KLHL18: variants seen among roughly 807,000 people sequenced by gnomAD.
The protein encoded by KLHL18 is kelch like family member 18, also known as kelch-like protein 18.
A neutral mutation model predicts 58.5 loss-of-function variants in KLHL18; 38 were observed. That is an observed-to-expected ratio of 0.65 (90% CI 0.50 to 0.85). KLHL18 has a LOEUF of 0.85. KLHL18 is among the 40% of genes least tolerant of loss of function. KLHL18 has a pLI of 0.00. For synonymous variants in KLHL18, 303 were observed against 301.9 expected (o/e 1.00, Z -0.04); for missense variants, 624 against 778.4 (o/e 0.80, Z 2.36).
chr3:47,336,840 A>G (rs1449115864), intron 7 of KLHL18, 83 bp downstream of exon 7: 1 of 1,086,302 alleles, frequency 9.2e-7, no homozygotes, highest in South Asian at 1.3e-5. Flanking sequence ...GGCACACAGT[A>G]GAGTAAAATA....
At chr3:47,312,220 G>A (rs1204973918) in intron 1 of KLHL18, among the ~76,000 whole-genome samples, 1 of 152,184 alleles carries the variant, frequency 6.6e-6, no homozygotes, top group Admixed American at 6.5e-5. Flanking sequence ...CAGCTTCCAT[G>A]TGTATTCATG....
chr3:47,343,690 A>G lies in KLHL18; in HGVS notation c.1474A>G (p.Ser492Gly). The G allele has an allele frequency of 6.2e-7, 1 of 1,614,142 alleles. No individual in the cohort carries two copies. Among genetic ancestry groups the G allele is most frequent in the East Asian group, 2.2e-5 (1 of 44,882 alleles). Residue 492 changes from serine to glycine, a missense_variant, in exon 10 of 10, where the codon AGC becomes GGC. Physicochemically the swap from Ser to Gly is moderately conservative, Grantham distance 56 (BLOSUM62 0). Transcript: ENST00000232766. ...CGGYDGSGFLSIAEMYSSVAD... is the reference protein window; with the variant it reads ...CGGYDGSGFLGIAEMYSSVAD... ...GGGCTACGATGGCTCTGGCTTCCTC[A>G]GCATTGCCGAGATGTACAGCTCTGT...
At chr3:47,336,835 A>G in intron 7 of KLHL18, 78 bp downstream of exon 7, 1 of 1,129,820 alleles carries the variant, frequency 8.9e-7, no homozygotes, top group Non-Finnish European at 1.3e-6. Context: ...GCAGGGGCAC[A>G]CAGTAGAGTA....
intron 1 of KLHL18, among the ~76,000 whole-genome samples, chr3:47,291,327 C>T (rs1273080970): frequency 6.6e-6 from 1 of 152,178 alleles, no homozygotes; most frequent in Non-Finnish European, 1.5e-5. Context: ...GGCATGGAAC[C>T]AGCCAGCTGG....
At chr3:47,287,701 T>A (rs541655638) in intron 1 of KLHL18, among the ~76,000 whole-genome samples, 34 of 152,148 alleles carry the variant, frequency 2.2e-4, no homozygotes, top group Middle Eastern at 3.4e-3. Flanking sequence ...GCCAGGATGG[T>A]CTCAAACTTA....
intron 4 of KLHL18, among the ~76,000 whole-genome samples, chr3:47,330,835 A>G (rs1263648026): frequency 1.3e-5 from 2 of 151,902 alleles, no homozygotes; most frequent in African/African-American, 4.8e-5. Flanking sequence ...GGTTCAAGCA[A>G]TTCTCCCGCA....
chr3:47,311,315 C>T (rs1224264953), intron 1 of KLHL18, among the ~76,000 whole-genome samples: 1 of 152,152 alleles, frequency 6.6e-6, no homozygotes, highest in African/African-American at 2.4e-5. Flanking sequence ...CATCACATCA[C>T]TTTGCTTTTC....
In KLHL18 at chr3:47,340,602, G is replaced by C. The variant is rs1224754356; in HGVS notation, c.1152G>C (p.Gln384His). 1 of 1,614,076 alleles carries C rather than the reference G, an allele frequency of 6.2e-7. No individual in the cohort carries two copies. Among genetic ancestry groups the C allele is most frequent in the East Asian group, 2.2e-5 (1 of 44,880 alleles). Reference sequence around the variant, plus strand: ...TGGGGACAGTCGTGCTGGATGGGCAGATCTACGTCTGTGGGGGCTACGATG... The same window carrying C: ...TGGGGACAGTCGTGCTGGATGGGCACATCTACGTCTGTGGGGGCTACGATG... ...SAMGTVVLDG[Q>H]IYVCGGYDGN... The change falls in exon 8 of 10, where the codon CAG becomes CAC. Residue 384 changes from glutamine (Q) to histidine (H), a missense_variant. Transcript: ENST00000232766.
At chr3:47,319,095 A>T (rs1382299437) in intron 1 of KLHL18, among the ~76,000 whole-genome samples, 1 of 152,182 alleles carries the variant, frequency 6.6e-6, no homozygotes, top group East Asian at 1.9e-4. Context: ...AGGATTTGAC[A>T]CTCATTGGAG....
intron 1 of KLHL18, 34 bp downstream of exon 1, chr3:47,283,128 A>G: frequency 6.5e-7 from 1 of 1,542,120 alleles, no homozygotes; most frequent in South Asian, 1.2e-5. Flanking sequence ...GGCTGAGGGA[A>G]AAGGGGTCGA....
At chr3:47,305,964 T>C (rs1703139119) in intron 1 of KLHL18, among the ~76,000 whole-genome samples, 1 of 152,106 alleles carries the variant, frequency 6.6e-6, no homozygotes, top group South Asian at 2.1e-4. Context: ...GTATTGGTGA[T>C]TTGTCTTTTC....
chr3:47,323,854 C>G lies in KLHL18; in HGVS notation c.401+1146C>G, dbSNP rs72909161. On this transcript the variant is annotated intron_variant, in intron 3 of 9. Coordinates refer to ENST00000232766, the MANE Select transcript of KLHL18 (RefSeq NM_025010.5). ...CCCTCATGGAGCTGACCTCCCCTCC[C>G]CTATTCTCACTCCACCTATCCAGTT... Among the ~76,000 whole-genome samples the G allele has an allele frequency of 4.0e-3, 612 of 152,308 alleles. 6 individuals are homozygous for G. Among genetic ancestry groups the G allele is most frequent in the African/African-American group, 0.013 (533 of 41,554 alleles).
chr3:47,341,244 G>A (rs749468506), intron 8 of KLHL18, among the ~76,000 whole-genome samples: 3 of 152,160 alleles, frequency 2.0e-5, no homozygotes, highest in Non-Finnish European at 4.4e-5. Context: ...AGGTTAGCCC[G>A]AGTTTTTCAT....
At chr3:47,327,254 G>GA (rs879651175) in intron 3 of KLHL18, among the ~76,000 whole-genome samples, 15 of 150,168 alleles carry the variant, frequency 1.0e-4, no homozygotes, top group Admixed American at 7.3e-4. Flanking sequence ...AAACAAAAGG[G>GA]AAAAAAAAAG....
intron 9 of KLHL18, 22 bp from the exon 10 acceptor site, chr3:47,343,533 T>C: frequency 6.2e-7 from 1 of 1,612,334 alleles, no homozygotes; most frequent in Non-Finnish European, 8.5e-7. Flanking sequence ...GTCCTGTACC[T>C]GTGCCTCTCT....
At chr3:47,289,784 A>G (rs1255104069) in intron 1 of KLHL18, among the ~76,000 whole-genome samples, 1 of 152,194 alleles carries the variant, frequency 6.6e-6, no homozygotes. Context: ...TCTGTCTCAA[A>G]AAAAGAAAAA....
chr3:47,345,938 G>A lies in KLHL18; in HGVS notation c.*1997G>A, dbSNP rs1436723738. 2.6e-5 allele frequency: 4 copies of A among 152,432 alleles called. No homozygotes were observed. Among genetic ancestry groups the A allele is most frequent in the Admixed American group, 1.3e-4 (2 of 15,276 alleles). The allele number at this position is 152,432 out of a possible 1,614,324, so 9.4% of individuals were successfully genotyped here. On this transcript the variant is annotated 3_prime_UTR_variant, in exon 10 of 10. Coordinates refer to ENST00000232766, the MANE Select transcript of KLHL18 (RefSeq NM_025010.5). ...TTTAACGTCTCAACAATCTGATATCGGATGTCGTTTAACCTGGGCTCGTGG... is the reference window on the plus strand; with the variant it reads ...TTTAACGTCTCAACAATCTGATATCAGATGTCGTTTAACCTGGGCTCGTGG...
intron 8 of KLHL18, 31 bp from the exon 9 acceptor site, chr3:47,342,688 C>A (rs747765739): frequency 3.2e-6 from 5 of 1,570,682 alleles, no homozygotes; most frequent in Non-Finnish European, 4.4e-6. Flanking sequence ...GAATCTCATG[C>A]TTCCCCTCCT....
At chr3:47,340,440 C>T in intron 7 of KLHL18, 132 bp from the exon 8 acceptor site, 1 of 1,351,882 alleles carries the variant, frequency 7.4e-7, no homozygotes, top group South Asian at 1.3e-5. Flanking sequence ...CAGTTTTATG[C>T]CTTTACTTAG....
Sources: gnomAD v4.1 joint callset for allele counts (sites outside exome capture counted in the v4.1 genomes callset) on GRCh38, gnomAD v4.1.1 for gene constraint, MANE v1.5 for transcripts, NCBI Gene and HGNC (gene_info 2026-07-23, HGNC 2026-07-21) for gene names.